Variants in TSPAN18 observed in about 807,000 individuals in gnomAD.
TSPAN18 encodes tetraspanin-18.
Under a neutral mutation model 27.3 loss-of-function variants are expected in TSPAN18, and 14 were observed. The ratio of observed to expected loss-of-function variants is 0.51; its 90% CI spans 0.34 to 0.80. The LOEUF (loss-of-function observed/expected upper bound fraction) is 0.80, where lower values mean the gene tolerates loss of function less well. TSPAN18 is among the 30% of genes least tolerant of loss of function. TSPAN18 has a pLI of 0.01. For synonymous variants in TSPAN18, 143 were observed against 136.5 expected (o/e 1.05, Z -0.33); for missense variants, 268 against 323.9 (o/e 0.83, Z 1.32).
intron 2 of TSPAN18, among the ~76,000 whole-genome samples, chr11:44,846,275 G>A (rs1169005658): frequency 6.6e-6 from 1 of 152,244 alleles, no homozygotes; most frequent in Non-Finnish European, 1.5e-5. Flanking sequence ...ATTCCGGCTT[G>A]TAGCCAAGAG....
At chr11:44,730,628 T>G (rs1854630871) in intron 1 of TSPAN18, among the ~76,000 whole-genome samples, 1 of 151,224 alleles carries the variant, frequency 6.6e-6, no homozygotes, top group South Asian at 2.1e-4. Flanking sequence ...GAAACACTTT[T>G]TTTTTTTTTT....
At chr11:44,813,036 C>G (rs1304553213) in intron 2 of TSPAN18, among the ~76,000 whole-genome samples, 1 of 152,246 alleles carries the variant, frequency 6.6e-6, no homozygotes, top group Non-Finnish European at 1.5e-5. Context: ...CACCTTGCAG[C>G]AGCCTGCTGG....
In TSPAN18 at chr11:44,742,429, G is replaced by C. The variant is rs182325017; in HGVS notation, c.-240+15142G>C. On this transcript the variant is annotated intron_variant, in intron 1 of 9. Coordinates refer to ENST00000520358, the MANE Select transcript of TSPAN18 (RefSeq NM_130783.5). The stretch of plus-strand genomic sequence containing the variant: ...CCCTCCCTTCCTTCCTCCCTCCCTT[G>C]CATTGTGTGCACTAGACTTTTGCCG... Among the ~76,000 whole-genome samples, 487 of 146,926 alleles carry C rather than the reference G, an allele frequency of 3.3e-3. 1 individual carries two copies. Among genetic ancestry groups the C allele is most frequent in the African/African-American group, 0.011 (439 of 39,554 alleles).
At chr11:44,797,701 A>T (rs1856381462) in intron 2 of TSPAN18, among the ~76,000 whole-genome samples, 1 of 152,170 alleles carries the variant, frequency 6.6e-6, no homozygotes, top group Admixed American at 6.6e-5. Context: ...ACGGGATGAG[A>T]TTCTCAGGAC....
At chr11:44,789,391 G>GA (rs1311952167) in intron 2 of TSPAN18, among the ~76,000 whole-genome samples, 6 of 152,282 alleles carry the variant, frequency 3.9e-5, no homozygotes, top group African/African-American at 1.4e-4. Context: ...CTTCTGCCAA[G>GA]AAAAAAGCTC....
intron 1 of TSPAN18, among the ~76,000 whole-genome samples, chr11:44,730,835 A>AGTCTG (rs112142394): frequency 1.3e-5 from 2 of 151,652 alleles, no homozygotes; most frequent in Admixed American, 1.3e-4. Flanking sequence ...CATGTTGGTC[A>AGTCTG]GGCTGGTCGC....
At chr11:44,887,443 C>T (rs1355918030) in intron 3 of TSPAN18, among the ~76,000 whole-genome samples, 1 of 152,204 alleles carries the variant, frequency 6.6e-6, no homozygotes, top group East Asian at 1.9e-4. Context: ...CACTTCATCT[C>T]TCTGACCCCA....
In TSPAN18 at chr11:44,822,828, T is replaced by C. The variant is rs939823612; in HGVS notation, c.-152-37500T>C. Among the ~76,000 whole-genome samples the C allele has an allele frequency of 3.3e-5, 5 of 152,190 alleles. No individual in the cohort carries two copies. The East Asian group carries it at 9.7e-4, about 29-fold the overall frequency. On this transcript the variant is annotated intron_variant, in intron 2 of 9. Transcript: ENST00000520358. ...CATAAATCATTGACCTGGGCTTCACTTTCTCCAATTGTATAATATAAGTCC... is the reference window on the plus strand; with the variant it reads ...CATAAATCATTGACCTGGGCTTCACCTTCTCCAATTGTATAATATAAGTCC...
At chr11:44,825,007 G>C (rs1371495029) in intron 2 of TSPAN18, among the ~76,000 whole-genome samples, 1 of 152,142 alleles carries the variant, frequency 6.6e-6, no homozygotes, top group East Asian at 1.9e-4. Context: ...AGTTCAGTGT[G>C]GTCAGACAAC....
chr11:44,838,339 A>G (rs956484186), intron 2 of TSPAN18, among the ~76,000 whole-genome samples: 2 of 152,148 alleles, frequency 1.3e-5, no homozygotes, highest in African/African-American at 2.4e-5. Flanking sequence ...ATGAGACTTA[A>G]TCACTATAAT....
At chr11:44,809,964 C>T (rs904354642) in intron 2 of TSPAN18, among the ~76,000 whole-genome samples, 5 of 152,084 alleles carry the variant, frequency 3.3e-5, no homozygotes, top group Non-Finnish European at 7.4e-5. Flanking sequence ...GAGGAGGAAA[C>T]GGCGCAAAAA....
intron 2 of TSPAN18, among the ~76,000 whole-genome samples, chr11:44,818,088 C>T (rs1458204372): frequency 7.9e-5 from 12 of 152,212 alleles, no homozygotes. Context: ...ATATCTGTTC[C>T]CATTAGCCTT....
At chr11:44,833,674 C>T (rs1857202281) in intron 2 of TSPAN18, among the ~76,000 whole-genome samples, 1 of 152,116 alleles carries the variant, frequency 6.6e-6, no homozygotes, top group South Asian at 2.1e-4. Context: ...GATGGCTGGG[C>T]AGGGGAGAGG....
chr11:44,727,101 GGCCCCGGTCCC>G lies in TSPAN18; in HGVS notation c.-424_-414del, dbSNP rs1232647398. ...CGGCCCCGGCCCCGGCCCCGGCCCC[GGCCCCGGTCCC>G]GGCCCCGAGCCCCGAGCGAGCGCCG... On this transcript the variant is annotated 5_prime_UTR_variant, in exon 1 of 10. Transcript: ENST00000520358. 10 of 129,802 alleles carry G rather than the reference GGCCCCGGTCCC, an allele frequency of 7.7e-5. No individual in the cohort carries two copies. The East Asian group carries it at 1.2e-3, about 15-fold the overall frequency. 8.0% of individuals were successfully genotyped at this position (129,802 alleles called of 1,614,324 possible). A position where few individuals can be genotyped will look rare whatever the true frequency, so the allele number is the denominator to read the frequency against.
chr11:44,746,748 C>A (rs938368363), intron 1 of TSPAN18, among the ~76,000 whole-genome samples: 1 of 152,084 alleles, frequency 6.6e-6, no homozygotes, highest in African/African-American at 2.4e-5. Context: ...CAGAATGAGA[C>A]CCTCTCTCAA....
intron 8 of TSPAN18, among the ~76,000 whole-genome samples, chr11:44,922,458 G>A (rs1315563517): frequency 6.6e-6 from 1 of 152,172 alleles, no homozygotes; most frequent in African/African-American, 2.4e-5. Flanking sequence ...CCCATGGCAA[G>A]GATCTGGGAA....
chr11:44,906,364 G>A, intron 3 of TSPAN18, 43 bp from the exon 4 acceptor site: 2 of 1,595,034 alleles, frequency 1.3e-6, no homozygotes, highest in Non-Finnish European at 1.7e-6. Context: ...CTTCCTGGGT[G>A]GGGTCCCCCA....
Position 44,906,465 on chromosome 11 carries a change from A to C in TSPAN18, c.49A>C (p.Asn17His). 3 of 1,614,044 alleles carry C rather than the reference A, an allele frequency of 1.9e-6. No individual in the cohort carries two copies. The highest frequency in any genetic ancestry group is 2.5e-6 in the Non-Finnish European group (3 of 1,179,930). Reference protein sequence around the residue: ...SCMKYLMFVFNFFIFLGGACL... With the variant: ...SCMKYLMFVFHFFIFLGGACL... ...CATGAAGTATCTGATGTTTGTATTC[A>C]ATTTCTTCATATTTGTAAGTATTCC... is the stretch of plus-strand genomic sequence containing the variant. The change falls in exon 4 of 10, where the codon AAT (asparagine) becomes CAT (histidine). Residue 17 changes from asparagine to histidine, a missense_variant. By Grantham distance (68) the Asn-to-His change is moderately conservative. Transcript: ENST00000520358.
At chr11:44,917,406 C>T (rs1859952485) in intron 5 of TSPAN18, among the ~76,000 whole-genome samples, 1 of 152,184 alleles carries the variant, frequency 6.6e-6, no homozygotes, top group Admixed American at 6.5e-5. Flanking sequence ...AAACTCCTGG[C>T]CCATGGGTTT....
Sources: allele counts gnomAD v4.1 joint callset (sites outside exome capture counted in the v4.1 genomes callset), GRCh38; gene constraint gnomAD v4.1.1; transcripts MANE v1.5; gene names NCBI Gene and HGNC (gene_info 2026-07-23, HGNC 2026-07-21).